COX6C: variants seen among roughly 807,000 people sequenced by gnomAD.
COX6C encodes cytochrome c oxidase subunit 6C.
Under a neutral mutation model 6.9 loss-of-function variants are expected in COX6C, and 3 were observed. That is an observed-to-expected ratio of 0.43 (90% CI 0.20 to 1.12). COX6C has a LOEUF of 1.12. Among genes scored for constraint, COX6C ranks in the 50% most tolerant of loss-of-function variants. The pLI is 0.27. For synonymous variants in COX6C, 32 were observed against 32.0 expected, an observed-to-expected ratio of 1.00 and a Z score of 0.00; for missense variants, 101 against 97.3, an observed-to-expected ratio of 1.04 and a Z score of -0.16.
intron 3 of COX6C, among the ~76,000 whole-genome samples, chr8:99,882,067 C>G (rs1817874320): frequency 6.6e-6 from 1 of 152,138 alleles, no homozygotes; most frequent in South Asian, 2.1e-4. Context: ...ATGCACCAAA[C>G]ATCAGAGCTC....
chr8:99,892,586 G>A (rs1332197925), intron 1 of COX6C, among the ~76,000 whole-genome samples: 5 of 152,058 alleles, frequency 3.3e-5, no homozygotes, highest in African/African-American at 1.2e-4. Context: ...CTCATGCATA[G>A]TACATTTTAC....
At chr8:99,886,200 G>C (rs1226711653) in intron 3 of COX6C, 1 of 152,200 alleles carries the variant, frequency 6.6e-6, no homozygotes, top group Admixed American at 6.5e-5. Context: ...GCACAGCCCA[G>C]GTAATATGGT....
At chr8:99,892,141 G>C (rs1818064119) in intron 1 of COX6C, 89 bp from the exon 2 acceptor site, 2 of 695,814 alleles carry the variant, frequency 2.9e-6, no homozygotes, top group African/African-American at 3.6e-5. Context: ...GATTGGAGCT[G>C]CCCTGAATAT....
intron 3 of COX6C, among the ~76,000 whole-genome samples, chr8:99,880,074 G>C (rs80004437): frequency 0.019 from 2,958 of 152,288 alleles, 55 homozygotes; most frequent in Non-Finnish European, 0.033. Flanking sequence ...CACAGGCCCA[G>C]GGAAGATGGC....
At chr8:99,892,151 T>TAC in intron 1 of COX6C, 99 bp from the exon 2 acceptor site, 1 of 649,814 alleles carries the variant, frequency 1.5e-6, no homozygotes, top group South Asian at 1.9e-5. Context: ...GCCCTGAATA[T>TAC]ACACTCCGAT....
rs768735392 is a variant in COX6C at position 99,891,935 on chromosome 8, T to C, written c.87A>G (p.Leu29=). Residue 29 remains leucine, a synonymous_variant, in exon 2 of 4, where the codon CTA becomes CTG. Transcript: ENST00000520468. ...TATACAAAGCTGCAACCCCCAGGGA[T>C]AGCACGAATGCTACAGCCATATGAT... ...LRNHMAVAFV[L]SLGVAALYKF... 3 of 1,614,182 alleles carry C rather than the reference T, an allele frequency of 1.9e-6. No individual in the cohort carries two copies. Among genetic ancestry groups the C allele is most frequent in the Admixed American group, 1.7e-5 (1 of 60,030 alleles).
intron 2 of COX6C, among the ~76,000 whole-genome samples, chr8:99,889,859 G>A (rs1321655433): frequency 2.0e-5 from 3 of 151,788 alleles, no homozygotes; most frequent in African/African-American, 7.2e-5. Flanking sequence ...GGGAGGCCGA[G>A]GCGGGCGGAT....
At chr8:99,891,724 G>A (rs1349781443) in intron 2 of COX6C, among the ~76,000 whole-genome samples, 184 bp downstream of exon 2, 3 of 152,092 alleles carry the variant, frequency 2.0e-5, no homozygotes, top group Admixed American at 6.5e-5. Context: ...TCTTTGTTAC[G>A]GCATTCCAGC....
chr8:99,881,887 T>G (rs1345884921), intron 3 of COX6C, among the ~76,000 whole-genome samples: 2 of 152,114 alleles, frequency 1.3e-5, no homozygotes, highest in African/African-American at 4.8e-5. Flanking sequence ...AAGTTGAAAG[T>G]GAACGGGTAG....
intron 2 of COX6C, 112 bp downstream of exon 2, chr8:99,891,796 G>A: frequency 1.1e-6 from 1 of 885,118 alleles, no homozygotes. Context: ...ACTGAGGTGA[G>A]TGCAGAAAGG....
At chr8:99,881,423 C>T (rs1327854440) in intron 3 of COX6C, among the ~76,000 whole-genome samples, 1 of 149,284 alleles carries the variant, frequency 6.7e-6, no homozygotes, top group African/African-American at 2.5e-5. Flanking sequence ...ATTTAAAAGA[C>T]AAAAGCATAA....
At position 99,877,878 on chromosome 8, in the gene COX6C, T is replaced by C. The variant is rs1200436066; in HGVS notation, c.*403A>G. 6.6e-6 allele frequency: 1 copy of C among 152,300 alleles called. No individual in the cohort carries two copies. Among genetic ancestry groups the C allele is most frequent in the Non-Finnish European group, 1.5e-5 (1 of 68,028 alleles). The allele number at this position is 152,300 out of a possible 1,614,324, so 9.4% of individuals were successfully genotyped here. ...AAATAGTGGCAATGAAGGCCAAGGA[T>C]AGATTTTATTAGGATTCTATCTCTT... On this transcript the variant is annotated 3_prime_UTR_variant, in exon 4 of 4. Transcript: ENST00000520468.
At chr8:99,882,676 CAACT>C (rs369519617) in intron 3 of COX6C, among the ~76,000 whole-genome samples, 135 of 152,188 alleles carry the variant, frequency 8.9e-4, no homozygotes, top group Middle Eastern at 3.4e-3. Context: ...AGAGAACCAC[CAACT>C]AACAGAGGGA....
At chr8:99,892,413 A>C (rs1384996988) in intron 1 of COX6C, among the ~76,000 whole-genome samples, 4 of 152,138 alleles carry the variant, frequency 2.6e-5, no homozygotes, top group African/African-American at 9.7e-5. Flanking sequence ...CAAATTCAGG[A>C]ATAAGATTTG....
intron 3 of COX6C, among the ~76,000 whole-genome samples, chr8:99,880,342 A>G (rs941616063): frequency 4.6e-5 from 7 of 152,382 alleles, no homozygotes; most frequent in Non-Finnish European, 8.8e-5. Context: ...TATCTAAAAA[A>G]TGCTCAATGA....
chr8:99,887,559 G>T lies in COX6C; in HGVS notation c.174C>A (p.Val58=). Residue 58 remains valine, a synonymous_variant, in exon 3 of 4, where the codon GTC becomes GTA. Coordinates refer to ENST00000520468, the MANE Select transcript of COX6C (RefSeq NM_004374.4). ...AYADFYRNYD[V]MKDFEEMRKA... is the part of the protein sequence containing the mutation. ...TCCTCATCTCCTCAAAATCTTTCAT[G>T]ACATCGTAGTTTCTGTAGAAATCTG... 1.2e-6 allele frequency: 2 copies of T among 1,610,522 alleles called. No homozygotes were observed. The highest frequency in any genetic ancestry group is 1.7e-6 in the Non-Finnish European group (2 of 1,178,840).
chr8:99,884,738 T>C (rs140860998), intron 3 of COX6C, among the ~76,000 whole-genome samples: 14 of 152,310 alleles, frequency 9.2e-5, no homozygotes, highest in African/African-American at 3.1e-4. Flanking sequence ...CGTTTTTTCC[T>C]ATATATACAC....
chr8:99,892,074 G>A (rs1216124064), intron 1 of COX6C, 22 bp from the exon 2 acceptor site: 3 of 1,386,666 alleles, frequency 2.2e-6, no homozygotes, highest in African/African-American at 2.9e-5. Flanking sequence ...CAGAAAATAT[G>A]ATTAAGTACA....
At chr8:99,881,064 T>G (rs1817854558) in intron 3 of COX6C, among the ~76,000 whole-genome samples, 1 of 152,110 alleles carries the variant, frequency 6.6e-6, no homozygotes, top group Non-Finnish European at 1.5e-5. Flanking sequence ...AAGCTTATAT[T>G]AAAATTTGGT....
Sources: gnomAD v4.1 joint callset for allele counts (sites outside exome capture counted in the v4.1 genomes callset) on GRCh38, gnomAD v4.1.1 for gene constraint, MANE v1.5 for transcripts, NCBI Gene and HGNC (gene_info 2026-07-23, HGNC 2026-07-21) for gene names.